Variants in STRN observed in about 807,000 individuals in gnomAD.
STRN encodes the protein striatin.
STRN carries 53 observed loss-of-function variants against 96.3 expected under a neutral mutation model. The ratio of observed to expected loss-of-function variants is 0.55; its 90% CI spans 0.44 to 0.69. STRN has a LOEUF of 0.69. Ranked by LOEUF, STRN falls within the 30% of genes least tolerant of loss-of-function variation. The probability of loss-of-function intolerance (pLI) is 0.00; values close to 1 mark genes in which losing one functional copy is unlikely to be tolerated. For missense variants in STRN, 987 were observed against 963.9 expected (o/e 1.02, Z -0.32); for synonymous variants, 428 against 355.9 (o/e 1.20, Z -2.28).
intron 9 of STRN, among the ~76,000 whole-genome samples, chr2:36,883,450 C>A (rs1669131705): frequency 6.6e-6 from 1 of 151,934 alleles, no homozygotes; most frequent in Non-Finnish European, 1.5e-5. Flanking sequence ...GAGCGAGACT[C>A]CATCTCAAAA....
chr2:36,945,123 T>TA (rs999243316), intron 1 of STRN, among the ~76,000 whole-genome samples: 4 of 152,086 alleles, frequency 2.6e-5, no homozygotes, highest in Non-Finnish European at 5.9e-5. Flanking sequence ...TGGATCTTTT[T>TA]AAAAAAAGAG....
intron 7 of STRN, among the ~76,000 whole-genome samples, chr2:36,890,907 T>C (rs1204263872): frequency 6.6e-6 from 1 of 152,208 alleles, no homozygotes; most frequent in African/African-American, 2.4e-5. Flanking sequence ...ATCAGTTTCT[T>C]CCTCTCATAG....
At chr2:36,936,090 A>C (rs1031924088) in intron 1 of STRN, among the ~76,000 whole-genome samples, 3 of 152,178 alleles carry the variant, frequency 2.0e-5, no homozygotes, top group African/African-American at 7.2e-5. Context: ...TTCTCTAAAA[A>C]AAAACTTATG....
intron 7 of STRN, among the ~76,000 whole-genome samples, chr2:36,889,206 C>T (rs902658621): frequency 1.3e-5 from 2 of 152,034 alleles, no homozygotes; most frequent in Admixed American, 6.6e-5. Context: ...ATGAATGATC[C>T]GAGTAAACCA....
intron 1 of STRN, among the ~76,000 whole-genome samples, chr2:36,925,613 C>T (rs953212075): frequency 6.6e-6 from 1 of 151,996 alleles, no homozygotes; most frequent in African/African-American, 2.4e-5. Flanking sequence ...CCTGTCTCTA[C>T]TAAAAATACA....
At position 36,847,641 on chromosome 2, in the gene STRN, C is replaced by A. The variant is rs1340935773; in HGVS notation, c.*1815G>T. 1 of 152,114 alleles carries A rather than the reference C, an allele frequency of 6.6e-6. No individual in the cohort carries two copies. Among genetic ancestry groups the A allele is most frequent in the African/African-American group, 2.4e-5 (1 of 41,416 alleles). The allele number at this position is 152,114 out of a possible 1,614,324, so 9.4% of individuals were successfully genotyped here. ...TGAAAAGGTAGCTGTATTACTACAG[C>A]ATATCTGTATGAAAATCAGGCAAAT... On this transcript the variant is annotated 3_prime_UTR_variant, in exon 18 of 18. Coordinates refer to ENST00000263918, the MANE Select transcript of STRN (RefSeq NM_003162.4).
At chr2:36,947,766 C>T (rs1025634967) in intron 1 of STRN, among the ~76,000 whole-genome samples, 9 of 151,640 alleles carry the variant, frequency 5.9e-5, no homozygotes, top group Non-Finnish European at 1.0e-4. Flanking sequence ...CCCTCAACTA[C>T]AAATTAAAAA....
rs112406025 is a variant in STRN at position 36,914,269 on chromosome 2, T to C, written c.412+1809A>G. Among the ~76,000 whole-genome samples the C allele has an allele frequency of 4.0e-3, 612 of 152,314 alleles. 5 individuals are homozygous for C. Among genetic ancestry groups the C allele is most frequent in the African/African-American group, 0.014 (594 of 41,558 alleles). ...GCCTCCCAAAGTGGGATTACAGGCATTAGCCACTGCAGCCAGCCATGTTTA... is the reference window on the plus strand; with the variant it reads ...GCCTCCCAAAGTGGGATTACAGGCACTAGCCACTGCAGCCAGCCATGTTTA... On this transcript the variant is annotated intron_variant, in intron 3 of 17. Coordinates refer to ENST00000263918, the MANE Select transcript of STRN (RefSeq NM_003162.4).
intron 2 of STRN, among the ~76,000 whole-genome samples, chr2:36,916,470 A>G (rs1171828100): frequency 6.6e-6 from 1 of 152,038 alleles, no homozygotes; most frequent in Non-Finnish European, 1.5e-5. Context: ...TGATTGCCAA[A>G]GCTAAATTTT....
At chr2:36,905,449 T>C (rs1572663698) in intron 4 of STRN, 91 bp downstream of exon 4, 32 of 1,137,072 alleles carry the variant, frequency 2.8e-5, no homozygotes, top group East Asian at 4.7e-5. Context: ...AGATAAAATA[T>C]TCATCTGACT....
chr2:36,920,802 C>T (rs1486278417), intron 2 of STRN, among the ~76,000 whole-genome samples: 2 of 152,118 alleles, frequency 1.3e-5, no homozygotes, highest in South Asian at 2.1e-4. Flanking sequence ...CTCTGCCAGG[C>T]GCGGTGGCTC....
chr2:36,922,099 A>G (rs1018007484), intron 2 of STRN, among the ~76,000 whole-genome samples: 5 of 152,134 alleles, frequency 3.3e-5, no homozygotes, highest in African/African-American at 7.2e-5. Context: ...GATTTAGGGG[A>G]AAAAAATGGT....
intron 2 of STRN, among the ~76,000 whole-genome samples, chr2:36,917,538 G>GAAAAAAAAAA (rs576754026): frequency 3.5e-4 from 31 of 88,648 alleles, no homozygotes; most frequent in African/African-American, 7.2e-4. Flanking sequence ...ACAAAAAAAA[G>GAAAAAAAAAA]AAAAAAAAAA....
intron 4 of STRN, among the ~76,000 whole-genome samples, chr2:36,903,567 G>C (rs1669744059): frequency 6.6e-6 from 1 of 152,154 alleles, no homozygotes; most frequent in Non-Finnish European, 1.5e-5. Context: ...AAAAACGACA[G>C]ACAAACATCG....
chr2:36,851,095 G>C lies in STRN; in HGVS notation c.1991C>G (p.Ser664Cys). 1 of 1,612,842 alleles carries C rather than the reference G, an allele frequency of 6.2e-7. No homozygotes were observed. Among genetic ancestry groups the C allele is most frequent in the Non-Finnish European group, 8.5e-7 (1 of 1,179,520 alleles). ...ACTGATGACTCTATTTATTTGGCAG[G>C]AAGAGTTGGCTGCTAAAAAGAAAAA... ...ESNVDTTANSSCQINRVISHP... is the reference protein window; with the variant it reads ...ESNVDTTANSCCQINRVISHP... The change falls in exon 16 of 18, where the codon TCC becomes TGC. Residue 664 changes from serine (S) to cysteine (C), a missense_variant. By Grantham distance (112) the Ser-to-Cys change is moderately radical. Transcript: ENST00000263918.
At chr2:36,861,716 T>A (rs1309670865) in intron 12 of STRN, among the ~76,000 whole-genome samples, 1 of 126,470 alleles carries the variant, frequency 7.9e-6, no homozygotes, top group Non-Finnish European at 1.7e-5. Context: ...AAAAATGCAA[T>A]GTATCATTGC....
Position 36,839,560 on chromosome 2 carries a change from A to G in STRN, c.*9896T>C, listed in dbSNP as rs938764713. On this transcript the variant is annotated 3_prime_UTR_variant, in exon 18 of 18. Transcript: ENST00000263918. ...TTTTATTAGGTGTTTTACATCCGTT[A>G]TCTCAAATCAACCTAATTAGGCAGA... is the stretch of plus-strand genomic sequence containing the variant. Among the ~76,000 whole-genome samples the G allele has an allele frequency of 6.6e-6, 1 of 152,190 alleles. No individual in the cohort carries two copies. The highest frequency in any genetic ancestry group is 1.5e-5 in the Non-Finnish European group (1 of 68,020).
chr2:36,932,268 T>C (rs927217359), intron 1 of STRN, among the ~76,000 whole-genome samples: 7 of 151,990 alleles, frequency 4.6e-5, no homozygotes, highest in African/African-American at 1.5e-4. Context: ...AATTCTCCTA[T>C]GTCAGCCTCC....
intron 13 of STRN, 55 bp from the exon 14 acceptor site, chr2:36,858,078 T>C (rs1002982805): frequency 1.5e-5 from 22 of 1,451,034 alleles, no homozygotes; most frequent in Non-Finnish European, 1.9e-5. Context: ...CAAAGGTACT[T>C]AGATTTCAGA....
Sources: gnomAD v4.1 joint callset for allele counts (sites outside exome capture counted in the v4.1 genomes callset) on GRCh38, gnomAD v4.1.1 for gene constraint, MANE v1.5 for transcripts, NCBI Gene and HGNC (gene_info 2026-07-23, HGNC 2026-07-21) for gene names.